The following MROH1 variants were observed in gnomAD, a reference collection of about 807,000 sequenced individuals.
The protein encoded by MROH1 is maestro heat like repeat family member 1.
MROH1 carries 117 observed loss-of-function variants against 116.5 expected under a neutral mutation model. The ratio of observed to expected loss-of-function variants is 1.00; its 90% confidence interval spans 0.86 to 1.17. MROH1 has a LOEUF of 1.17. Among genes scored for constraint, MROH1 ranks in the 50% most tolerant of loss-of-function variants. The probability of loss-of-function intolerance (pLI) is 0.00; values close to 1 mark genes in which losing one functional copy is unlikely to be tolerated. For synonymous variants in MROH1, 921 were observed against 583.9 expected (o/e 1.58, Z -8.32); for missense variants, 1,873 against 1,338.5 (o/e 1.40, Z -6.23).
chr8:144,206,120 G>A (rs896073734), intron 12 of MROH1, among the ~76,000 whole-genome samples: 4 of 152,214 alleles, frequency 2.6e-5, no homozygotes, highest in African/African-American at 9.6e-5. Context: ...CACGATCACA[G>A]CTCACTGCAG....
At chr8:144,212,931 G>C in intron 12 of MROH1, 2 of 729,410 alleles carry the variant, frequency 2.7e-6, no homozygotes, top group Admixed American at 1.7e-5. Context: ...CAGGAATCCA[G>C]TTCTCAAGGT....
rs1271221694 is a variant in MROH1 at position 144,234,506 on chromosome 8, T to G, written c.1339-4250T>G. On this transcript the variant is annotated intron_variant, in intron 14 of 43. Transcript: ENST00000326134. ...TATTTTCTTTCTTTTTCGTTTTTTTTTTTTTTTTTTTTTTTTTTTTTTTTT... is the reference window on the plus strand; with the variant it reads ...TATTTTCTTTCTTTTTCGTTTTTTTGTTTTTTTTTTTTTTTTTTTTTTTTT... 7.4e-4 allele frequency among the ~76,000 whole-genome samples: 42 copies of G among 56,616 alleles called. 1 individual carries two copies. Among genetic ancestry groups the G allele is most frequent in the African/African-American group, 4.0e-3 (39 of 9,630 alleles). 37.1% of individuals were successfully genotyped at this position (56,616 alleles called of 152,430 possible).
rs998359872 is a variant in MROH1 at position 144,258,817 on chromosome 8, G to A, written c.3832G>A (p.Gly1278Ser). The A allele has an allele frequency of 9.0e-5, 69 of 769,426 alleles. No homozygotes were observed. The highest frequency in any genetic ancestry group is 3.9e-4 in the East Asian group (16 of 40,892). The allele number at this position is 769,426 out of a possible 1,614,324, so 47.7% of individuals were successfully genotyped here. A position where few individuals can be genotyped will look rare whatever the true frequency, so the allele number is the denominator to read the frequency against. The change falls in exon 36 of 44, where the codon GGC becomes AGC. Residue 1278 changes from glycine to serine, a missense_variant. Physicochemically the swap from Gly to Ser is moderately conservative, Grantham distance 56 (BLOSUM62 0). Coordinates refer to ENST00000326134, the MANE Select transcript of MROH1 (RefSeq NM_032450.3). ...DTLRSMLLRS[G>S]SEDVVQRMDL... is the part of the protein sequence containing the mutation. ...CCTGCGGTCCATGCTACTCCGCAGC[G>A]GCAGCGAGGATGTGGTACAGCGCAT...
At chr8:144,239,389 C>T (rs1369593573) in intron 17 of MROH1, 26 bp downstream of exon 17, 3 of 780,394 alleles carry the variant, frequency 3.8e-6, no homozygotes, top group Non-Finnish European at 4.8e-6. Flanking sequence ...TCACAGCGTG[C>T]CCAGCGCCCC....
intron 14 of MROH1, among the ~76,000 whole-genome samples, chr8:144,224,433 A>C (rs1217013524): frequency 1.3e-5 from 2 of 151,624 alleles, no homozygotes; most frequent in African/African-American, 4.9e-5. Flanking sequence ...CACCTGGCTA[A>C]TTTTTTATTT....
At chr8:144,201,103 C>T (rs1466958923) in intron 12 of MROH1, 1 of 151,894 alleles carries the variant, frequency 6.6e-6, no homozygotes, top group African/African-American at 2.4e-5. Flanking sequence ...TGTCGCCAGG[C>T]TGGAGTGCAG....
At chr8:144,255,424 A>T (rs1352190798) in intron 34 of MROH1, 85 bp from the exon 35 acceptor site, 1 of 724,990 alleles carries the variant, frequency 1.4e-6, no homozygotes, top group Non-Finnish European at 2.6e-6. Context: ...ATGCAGGCGA[A>T]GGGGGATGCA....
intron 33 of MROH1, 155 bp from the exon 34 acceptor site, chr8:144,254,658 G>A: frequency 1.7e-6 from 1 of 602,636 alleles, no homozygotes; most frequent in Non-Finnish European, 3.0e-6. Context: ...GGTGAGCTCA[G>A]ATCTGAGGCC....
At position 144,239,167 on chromosome 8, in the gene MROH1, T is replaced by C; in HGVS notation, c.1579T>C (p.Tyr527His). The C allele has an allele frequency of 1.3e-6, 1 of 765,124 alleles. No homozygotes were observed. Among genetic ancestry groups the C allele is most frequent in the Non-Finnish European group, 2.4e-6 (1 of 416,168 alleles). The allele number at this position is 765,124 out of a possible 1,614,324, so 47.4% of individuals were successfully genotyped here. A position where few individuals can be genotyped will look rare whatever the true frequency, so the allele number is the denominator to read the frequency against. ...CGGGGCCGACGCCTTCCTCATCCAGTACGACGCCCATGGTGCGTGCCGCGC... is the reference window on the plus strand; with the variant it reads ...CGGGGCCGACGCCTTCCTCATCCAGCACGACGCCCATGGTGCGTGCCGCGC... ...EAGADAFLIQYDAHASLPSPY... is the reference protein window; with the variant it reads ...EAGADAFLIQHDAHASLPSPY... Residue 527 changes from tyrosine (Y) to histidine (H), a missense_variant, in exon 16 of 44, where the codon TAC (tyrosine) becomes CAC (histidine). Transcript: ENST00000326134.
chr8:144,185,063 C>G (rs1237951790), intron 7 of MROH1, among the ~76,000 whole-genome samples: 1 of 152,204 alleles, frequency 6.6e-6, no homozygotes, highest in African/African-American at 2.4e-5. Flanking sequence ...CAGCCTCTTG[C>G]CCTTTTCTCT....
chr8:144,235,911 A>C (rs1236403238), intron 14 of MROH1, among the ~76,000 whole-genome samples: 1 of 152,172 alleles, frequency 6.6e-6, no homozygotes, highest in Non-Finnish European at 1.5e-5. Flanking sequence ...ACTGACTACT[A>C]AATATCTTGT....
In MROH1 at chr8:144,261,803, G is replaced by A; in HGVS notation, c.*63G>A. 2.9e-6 allele frequency: 2 copies of A among 699,868 alleles called. No individual in the cohort carries two copies. Among genetic ancestry groups the A allele is most frequent in the Admixed American group, 2.0e-5 (1 of 49,976 alleles). 43.4% of individuals were successfully genotyped at this position (699,868 alleles called of 1,614,324 possible). On this transcript the variant is annotated 3_prime_UTR_variant, in exon 44 of 44. Transcript: ENST00000326134. ...AGACCTGTGCCTGAGCTCCAAGACA[G>A]GGCCTCCTGAGGACCACAGCCTGGG...
At position 144,212,076 on chromosome 8, in the gene MROH1, T is replaced by TTTTTTTTG. The variant is rs1554813808; in HGVS notation, c.1142-8521_1142-8520insTTTTGTTT. Among the ~76,000 whole-genome samples the TTTTTTTTG allele has an allele frequency of 4.0e-5, 6 of 151,090 alleles. No homozygotes were observed. In the East Asian group the frequency reaches 7.7e-4, roughly 20 times the overall value. ...CTTTTAGTGAGAAGCTGTGTTGTTT[T>TTTTTTTTG]TTTGTTTGTTTGTTTGTTTGTTTTT... On this transcript the variant is annotated intron_variant, in intron 12 of 43. Transcript: ENST00000326134.
intron 1 of MROH1, among the ~76,000 whole-genome samples, chr8:144,148,294 C>T (rs911881289): frequency 8.5e-5 from 13 of 152,306 alleles, no homozygotes; most frequent in Non-Finnish European, 1.3e-4. Flanking sequence ...GGAAGAGAGG[C>T]CGGAGCTGTG....
intron 12 of MROH1, among the ~76,000 whole-genome samples, chr8:144,207,058 TA>T (rs895016687): frequency 5.5e-5 from 8 of 146,378 alleles, no homozygotes; most frequent in Admixed American, 2.7e-4. Flanking sequence ...AAAAGAAATT[TA>T]AAAAAAAAAA....
intron 11 of MROH1, among the ~76,000 whole-genome samples, chr8:144,199,884 G>A (rs1410431776): frequency 1.3e-5 from 2 of 152,162 alleles, no homozygotes; most frequent in African/African-American, 4.8e-5. Flanking sequence ...GTTGTGGTGG[G>A]CAGATGGATC....
chr8:144,192,554 CT>C (rs758452063), intron 10 of MROH1, 153 bp downstream of exon 10: 14 of 727,562 alleles, frequency 1.9e-5, no homozygotes, highest in African/African-American at 1.6e-4. Context: ...CGGGTGACTT[CT>C]TAGCGATGTG....
At chr8:144,150,105 C>T (rs1293686633) in intron 1 of MROH1, among the ~76,000 whole-genome samples, 6 of 152,168 alleles carry the variant, frequency 3.9e-5, no homozygotes, top group Non-Finnish European at 8.8e-5. Context: ...CACACCCCCT[C>T]CTAACCCTTT....
chr8:144,192,782 G>A (rs1345851658), intron 10 of MROH1: 5 of 373,710 alleles, frequency 1.3e-5, no homozygotes, highest in Non-Finnish European at 2.6e-5. Flanking sequence ...GCTGCAGGAC[G>A]GGGGTCTTGA....
Sources: gnomAD v4.1 joint callset for allele counts (sites outside exome capture counted in the v4.1 genomes callset) on GRCh38, gnomAD v4.1.1 for gene constraint, MANE v1.5 for transcripts, NCBI Gene and HGNC (gene_info 2026-07-23, HGNC 2026-07-21) for gene names.